The following IPCEF1 variants were observed in gnomAD, a reference collection of about 807,000 sequenced individuals.
IPCEF1 encodes the protein interactor protein for cytohesin exchange factors 1.
A neutral mutation model predicts 50.9 loss-of-function variants in IPCEF1; 31 were observed. That is an observed-to-expected ratio of 0.61 (90% CI 0.46 to 0.82). The LOEUF (loss-of-function observed/expected upper bound fraction) is 0.82, where lower values mean the gene tolerates loss of function less well. Ranked by LOEUF, IPCEF1 falls within the 40% of genes least tolerant of loss-of-function variation. IPCEF1 has a pLI of 0.00. For missense variants in IPCEF1, 458 were observed against 514.0 expected, an observed-to-expected ratio of 0.89 and a Z score of 1.05; for synonymous variants, 181 against 192.0, an observed-to-expected ratio of 0.94 and a Z score of 0.47.
chr6:154,253,290 A>T (rs1168535499), intron 3 of IPCEF1, among the ~76,000 whole-genome samples: 1 of 152,114 alleles, frequency 6.6e-6, no homozygotes, highest in African/African-American at 2.4e-5. Flanking sequence ...TATCTTCCTC[A>T]GCCTCCCAAA....
At chr6:154,230,486 T>A (rs192294587) in intron 5 of IPCEF1, among the ~76,000 whole-genome samples, 151 of 152,368 alleles carry the variant, frequency 9.9e-4, no homozygotes, top group Non-Finnish European at 1.9e-3. Flanking sequence ...TTTGCCCTTT[T>A]CGTACCACAA....
chr6:154,212,886 T>C (rs1778078676), intron 8 of IPCEF1, 31 bp from the exon 9 acceptor site: 4 of 1,440,300 alleles, frequency 2.8e-6, no homozygotes. Flanking sequence ...CTTAATGTTT[T>C]AACGCTGTCA....
intron 2 of IPCEF1, among the ~76,000 whole-genome samples, chr6:154,284,895 G>A (rs1307101710): frequency 6.6e-6 from 1 of 152,100 alleles, no homozygotes; most frequent in African/African-American, 2.4e-5. Flanking sequence ...AGCTACTCGG[G>A]AGACTGAGGC....
intron 10 of IPCEF1, among the ~76,000 whole-genome samples, chr6:154,180,055 G>A (rs1800699349): frequency 6.6e-6 from 1 of 152,112 alleles, no homozygotes; most frequent in Non-Finnish European, 1.5e-5. Context: ...AGCAACTAGA[G>A]TTACAACTAG....
In IPCEF1 at chr6:154,318,712, CAAAAAAAA is replaced by C. The variant is rs57436031; in HGVS notation, c.-61-28964_-61-28957del. 1.1e-4 allele frequency among the ~76,000 whole-genome samples: 11 copies of C among 98,812 alleles called. No homozygotes were observed. The South Asian group carries it at 3.6e-3, about 32-fold the overall frequency. 64.8% of individuals were successfully genotyped at this position (98,812 alleles called of 152,430 possible). On this transcript the variant is annotated intron_variant, in intron 1 of 11. Coordinates refer to ENST00000367220, the MANE Select transcript of IPCEF1 (RefSeq NM_001130700.2). ...TGGCTGACAGAGTGAGACCCTGTCT[CAAAAAAAA>C]AAAAAAAAAAAAGAAGAAGAAGAAA...
At chr6:154,316,247 C>T (rs1783214658) in intron 1 of IPCEF1, among the ~76,000 whole-genome samples, 1 of 152,172 alleles carries the variant, frequency 6.6e-6, no homozygotes, top group Non-Finnish European at 1.5e-5. Context: ...TAGGGAAGCA[C>T]ATTTTTTTAG....
intron 5 of IPCEF1, among the ~76,000 whole-genome samples, chr6:154,245,449 T>C (rs539131144): frequency 6.6e-6 from 1 of 152,324 alleles, no homozygotes; most frequent in African/African-American, 2.4e-5. Flanking sequence ...AAATCTTTAA[T>C]GAACAGGTGC....
At chr6:154,291,897 G>T (rs1456290779) in intron 1 of IPCEF1, among the ~76,000 whole-genome samples, 1 of 151,730 alleles carries the variant, frequency 6.6e-6, no homozygotes, top group East Asian at 1.9e-4. Context: ...GTTAGCCAGG[G>T]TGGTCTGGAT....
intron 1 of IPCEF1, among the ~76,000 whole-genome samples, chr6:154,328,382 A>G (rs1178763644): frequency 1.3e-5 from 2 of 152,282 alleles, no homozygotes; most frequent in East Asian, 3.9e-4. Context: ...TTTCTCCTAA[A>G]TAAAAAATAT....
intron 9 of IPCEF1, among the ~76,000 whole-genome samples, chr6:154,200,442 T>C (rs1487890726): frequency 1.3e-5 from 2 of 152,200 alleles, no homozygotes; most frequent in Non-Finnish European, 2.9e-5. Context: ...AAGGAGAGGC[T>C]GGGTGCGATG....
intron 1 of IPCEF1, among the ~76,000 whole-genome samples, chr6:154,298,636 CT>C (rs1314319700): frequency 3.3e-5 from 5 of 152,170 alleles, no homozygotes; most frequent in Admixed American, 3.3e-4. Context: ...AGAGTCTCTT[CT>C]TTCAGCAGAG....
chr6:154,192,320 G>GTGTGTT (rs759935498), intron 10 of IPCEF1, among the ~76,000 whole-genome samples: 1,447 of 84,556 alleles, frequency 0.017, 11 homozygotes, highest in Admixed American at 0.025. Flanking sequence ...CGTGGTTACT[G>GTGTGTT]TGTGTGTGTG....
In IPCEF1 at chr6:154,168,411, T is replaced by C. The variant is rs533637416; in HGVS notation, c.911-298A>G. 2.6e-5 allele frequency among the ~76,000 whole-genome samples: 4 copies of C among 152,040 alleles called. No individual in the cohort carries two copies. Among genetic ancestry groups the C allele is most frequent in the Non-Finnish European group, 4.4e-5 (3 of 68,010 alleles). On this transcript the variant is annotated intron_variant, in intron 10 of 11. Transcript: ENST00000367220. The surrounding 1 kb of genome is among the most constrained non-coding windows in gnomAD (Gnocchi z 4.1). Reference sequence around the variant, plus strand: ...TAACTCCAATATTCACATGGGGTGTTCCCTGCATGCATGTCTCTGTGTCCA... The same window carrying C: ...TAACTCCAATATTCACATGGGGTGTCCCCTGCATGCATGTCTCTGTGTCCA...
chr6:154,249,612 T>G (rs1296732620), intron 3 of IPCEF1, among the ~76,000 whole-genome samples: 2 of 152,050 alleles, frequency 1.3e-5, no homozygotes, highest in Non-Finnish European at 2.9e-5. Flanking sequence ...GATGAACAAA[T>G]GAGAGGAAAG....
Position 154,155,399 on chromosome 6 carries a change from A to G in IPCEF1, c.*4429T>C, listed in dbSNP as rs1798671697. 6.6e-6 allele frequency: 1 copy of G among 152,244 alleles called. No homozygotes were observed. The highest frequency in any genetic ancestry group is 2.4e-5 in the African/African-American group (1 of 41,460). The allele number at this position is 152,244 out of a possible 1,614,324, so 9.4% of individuals were successfully genotyped here. On this transcript the variant is annotated 3_prime_UTR_variant, in exon 12 of 12. Coordinates refer to ENST00000367220, the MANE Select transcript of IPCEF1 (RefSeq NM_001130700.2). ...TTGGAAAACCACAATTGGATATCAT[A>G]TTCTTGTTAGACTGAAGAAGAAATG...
chr6:154,259,237 G>A (rs1466611657), intron 3 of IPCEF1, among the ~76,000 whole-genome samples: 1 of 152,136 alleles, frequency 6.6e-6, no homozygotes, highest in Non-Finnish European at 1.5e-5. Flanking sequence ...AAGGTAAAAT[G>A]GACTTTTGCT....
chr6:154,295,156 C>T (rs903283629), intron 1 of IPCEF1, among the ~76,000 whole-genome samples: 1 of 152,014 alleles, frequency 6.6e-6, no homozygotes, highest in African/African-American at 2.4e-5. Context: ...TGAGATTGCG[C>T]CACTGCACTC....
chr6:154,194,341 G>A (rs539198307), intron 10 of IPCEF1, among the ~76,000 whole-genome samples: 59 of 152,108 alleles, frequency 3.9e-4, no homozygotes, highest in African/African-American at 1.2e-3. Flanking sequence ...AGAGGTTGCC[G>A]TGAGCTGAGA....
rs1162086187 is a variant in IPCEF1 at position 154,195,143 on chromosome 6, C to CTT, written c.910+4523_910+4524dup. On this transcript the variant is annotated intron_variant, in intron 10 of 11. Coordinates refer to ENST00000367220, the MANE Select transcript of IPCEF1 (RefSeq NM_001130700.2). Reference sequence around the variant, plus strand: ...CTACAGCTAAAATAATTTTTCTTTTCTTTCTTTTTTTTTTTTTTTTTTGAG... The same window carrying CTT: ...CTACAGCTAAAATAATTTTTCTTTTCTTTTTCTTTTTTTTTTTTTTTTTTGAG... 2.2e-3 allele frequency among the ~76,000 whole-genome samples: 295 copies of CTT among 133,474 alleles called. 2 individuals carry two copies. The highest frequency in any genetic ancestry group is 8.3e-3 in the African/African-American group (279 of 33,724). 87.6% of individuals were successfully genotyped at this position (133,474 alleles called of 152,430 possible).
Sources: allele counts gnomAD v4.1 joint callset (sites outside exome capture counted in the v4.1 genomes callset), GRCh38; gene constraint gnomAD v4.1.1; non-coding constraint Gnocchi (gnomAD v3.1); transcripts MANE v1.5; gene names NCBI Gene and HGNC (gene_info 2026-07-23, HGNC 2026-07-21).